Variants in DLGAP1 observed in about 807,000 individuals in gnomAD.
DLGAP1 encodes disks large-associated protein 1.
In DLGAP1, 11 loss-of-function variants were observed where a neutral mutation model predicts 90.8. The observed-to-expected ratio is 0.12, with a 90% confidence interval of 0.08 to 0.20. The LOEUF (loss-of-function observed/expected upper bound fraction) is 0.20, where lower values mean the gene tolerates loss of function less well. Ranked by LOEUF, DLGAP1 falls within the 10% of genes least tolerant of loss-of-function variation. The probability of loss-of-function intolerance (pLI) is 1.00; values close to 1 mark genes in which losing one functional copy is unlikely to be tolerated. For synonymous variants in DLGAP1, 558 were observed against 540.7 expected, an observed-to-expected ratio of 1.03 and a Z score of -0.44; for missense variants, 1,050 against 1,333.8, an observed-to-expected ratio of 0.79 and a Z score of 3.31.
chr18:3,754,279 C>G (rs906127135), intron 5 of DLGAP1, among the ~76,000 whole-genome samples: 1 of 152,082 alleles, frequency 6.6e-6, no homozygotes, highest in Non-Finnish European at 1.5e-5. Context: ...TGAAATTACA[C>G]GCATGAGCCA....
intron 2 of DLGAP1, among the ~76,000 whole-genome samples, chr18:4,016,416 GA>G (rs1349250132): frequency 6.6e-6 from 1 of 152,216 alleles, no homozygotes; most frequent in Admixed American, 6.5e-5. Context: ...ATATGGGAGA[GA>G]AGTGGCTGGA....
At chr18:4,338,865 G>A (rs1299083309) in intron 1 of DLGAP1, among the ~76,000 whole-genome samples, 1 of 152,112 alleles carries the variant, frequency 6.6e-6, no homozygotes, top group Non-Finnish European at 1.5e-5. Flanking sequence ...TTTATTCAAT[G>A]TAAATGGCCT....
chr18:3,541,350 G>C (rs1189918942), intron 9 of DLGAP1, among the ~76,000 whole-genome samples: 2 of 152,188 alleles, frequency 1.3e-5, no homozygotes, highest in South Asian at 2.1e-4. Flanking sequence ...CCAAGTTTCA[G>C]GCTTTTGAAA....
intron 1 of DLGAP1, among the ~76,000 whole-genome samples, chr18:4,368,318 C>A (rs1349237638): frequency 1.3e-5 from 2 of 152,070 alleles, no homozygotes; most frequent in African/African-American, 4.8e-5. Context: ...CCACAGTAAG[C>A]AGATATTTTA....
intron 7 of DLGAP1, among the ~76,000 whole-genome samples, chr18:3,725,730 C>G (rs1183314115): frequency 6.6e-6 from 1 of 152,096 alleles, no homozygotes; most frequent in East Asian, 1.9e-4. Context: ...GTTAGACAAG[C>G]CAAGAAGTCA....
intron 3 of DLGAP1, among the ~76,000 whole-genome samples, chr18:3,930,459 T>C (rs2072491128): frequency 6.6e-6 from 1 of 152,240 alleles, no homozygotes; most frequent in African/African-American, 2.4e-5. Context: ...TAGTTCATTT[T>C]TAGCATTTAA....
chr18:3,578,751 G>T (rs779132669), intron 8 of DLGAP1, among the ~76,000 whole-genome samples: 1 of 151,854 alleles, frequency 6.6e-6, no homozygotes, highest in Non-Finnish European at 1.5e-5. Context: ...CAAAAAGCAG[G>T]TGACCTTGGG....
chr18:4,022,413 ACACACACACAC>A (rs1488080902), intron 2 of DLGAP1, among the ~76,000 whole-genome samples: 1 of 150,394 alleles, frequency 6.6e-6, no homozygotes, highest in Non-Finnish European at 1.5e-5. Flanking sequence ...CCTTTTACAC[ACACACACACAC>A]CACACACACA....
At chr18:3,978,508 C>T (rs535563141) in intron 3 of DLGAP1, 85 of 246,748 alleles carry the variant, frequency 3.4e-4, no homozygotes, top group African/African-American at 1.3e-3. Flanking sequence ...GGTCAATGAA[C>T]GGGTAACCGA....
intron 4 of DLGAP1, among the ~76,000 whole-genome samples, chr18:3,827,687 C>T (rs1458584219): frequency 2.6e-5 from 4 of 152,274 alleles, no homozygotes; most frequent in East Asian, 1.9e-4. Flanking sequence ...AGTATAAGCA[C>T]GTATACAAGT....
At chr18:4,059,399 T>C (rs1408628529) in intron 2 of DLGAP1, among the ~76,000 whole-genome samples, 3 of 152,112 alleles carry the variant, frequency 2.0e-5, no homozygotes, top group African/African-American at 4.8e-5. Context: ...AAAAAAAAAC[T>C]AGCTTTCTTT....
intron 5 of DLGAP1, among the ~76,000 whole-genome samples, chr18:3,783,732 C>A (rs1200281259): frequency 6.6e-6 from 1 of 152,134 alleles, no homozygotes; most frequent in Non-Finnish European, 1.5e-5. Context: ...AAAACCATTG[C>A]ATCGTACACT....
intron 1 of DLGAP1, among the ~76,000 whole-genome samples, chr18:4,256,845 A>G (rs1332248237): frequency 6.6e-6 from 1 of 152,044 alleles, no homozygotes; most frequent in Admixed American, 6.6e-5. Context: ...CGATAGCCTG[A>G]GGGTACAGGA....
intron 1 of DLGAP1, among the ~76,000 whole-genome samples, chr18:4,166,830 G>A (rs941815886): frequency 1.3e-5 from 2 of 152,158 alleles, no homozygotes; most frequent in African/African-American, 2.4e-5. Context: ...CCTAAAATAG[G>A]CAAATTCAGA....
chr18:3,880,253 T>C, intron 3 of DLGAP1, 113 bp from the exon 4 acceptor site: 1 of 620,914 alleles, frequency 1.6e-6, no homozygotes, highest in South Asian at 2.0e-5. Flanking sequence ...GCGCCATCTC[T>C]GCTTCCTGCA....
intron 7 of DLGAP1, among the ~76,000 whole-genome samples, chr18:3,648,884 C>T (rs533887987): frequency 3.3e-5 from 5 of 152,260 alleles, no homozygotes; most frequent in African/African-American, 9.6e-5. Flanking sequence ...TACTTCCTGC[C>T]CCAGGGAGGA....
At chr18:3,988,796 A>G (rs915201846) in intron 3 of DLGAP1, among the ~76,000 whole-genome samples, 8 of 152,148 alleles carry the variant, frequency 5.3e-5, no homozygotes, top group African/African-American at 1.9e-4. Context: ...CCCCTAGCTT[A>G]TAATGTTTGT....
At chr18:4,216,369 G>C (rs573543608) in intron 1 of DLGAP1, among the ~76,000 whole-genome samples, 1 of 152,056 alleles carries the variant, frequency 6.6e-6, no homozygotes, top group Non-Finnish European at 1.5e-5. Flanking sequence ...GCTGGTGACA[G>C]AGCCAAACCA....
chr18:4,328,301 A>AT (rs974488194), intron 1 of DLGAP1, among the ~76,000 whole-genome samples: 17 of 151,884 alleles, frequency 1.1e-4, no homozygotes, highest in African/African-American at 4.1e-4. Context: ...AAAAAAGAAA[A>AT]TTTTTTCGTT....
Sources: gnomAD v4.1 joint callset for allele counts (sites outside exome capture counted in the v4.1 genomes callset) on GRCh38, gnomAD v4.1.1 for gene constraint, MANE v1.5 for transcripts, NCBI Gene and HGNC (gene_info 2026-07-23, HGNC 2026-07-21) for gene names.